Variants in PI16 observed in about 807,000 individuals in gnomAD.
PI16 encodes the protein PSP94-binding protein.
PI16 carries 35 observed loss-of-function variants against 38.0 expected under a neutral mutation model. The observed-to-expected ratio is 0.92, with a 90% CI of 0.70 to 1.22. The LOEUF (loss-of-function observed/expected upper bound fraction) is 1.22. Among genes scored for constraint, PI16 ranks in the 50% most tolerant of loss-of-function variants. The pLI is 0.00. For synonymous variants in PI16, 275 were observed against 252.9 expected, an observed-to-expected ratio of 1.09 and a Z score of -0.83; for missense variants, 572 against 593.8, an observed-to-expected ratio of 0.96 and a Z score of 0.38.
upstream of PI16, among the ~76,000 whole-genome samples, chr6:36,952,620 G>C (rs1043740978): frequency 4.1e-4 from 63 of 152,314 alleles, no homozygotes; most frequent in African/African-American, 1.5e-3. Context: ...ATATGTGTAA[G>C]AGTTTATTTC....
chr6:36,954,673 A>T, upstream of PI16: 2 of 1,512,890 alleles, frequency 1.3e-6, no homozygotes, highest in South Asian at 2.7e-5. Flanking sequence ...CCACTGCCCC[A>T]CCCCAGCCAG....
chr6:36,962,959 C>T lies in PI16; in HGVS notation c.617C>T (p.Ala206Val), dbSNP rs1455528968. The stretch of plus-strand genomic sequence containing the variant: ...GAACCCATCGGAAGCCCGGAAGATG[C>T]TCAGGATTTGCCTTACCTGGTAACT... ...LCEPIGSPED[A>V]QDLPYLVTEA... Residue 206 changes from alanine (A) to valine (V), a missense_variant, in exon 5 of 7, where the codon GCT (alanine) becomes GTT (valine). Ala to Val is a moderately conservative substitution (Grantham distance 64). Transcript: ENST00000373674. This position sits in a 1 kb window ranked among gnomAD's most constrained non-coding sequence, Gnocchi z 4.1. 6.2e-7 allele frequency: 1 copy of T among 1,613,512 alleles called. No homozygotes were observed.
rs1405559481 is a variant in PI16 at position 36,964,384 on chromosome 6, A to G, written c.*19-2A>G. The G allele has an allele frequency of 6.3e-6, 1 of 157,838 alleles. No individual in the cohort carries two copies. The highest frequency in any genetic ancestry group is 1.4e-5 in the Non-Finnish European group (1 of 70,974). 9.8% of individuals were successfully genotyped at this position (157,838 alleles called of 1,614,324 possible). A position where few individuals can be genotyped will look rare whatever the true frequency, so the allele number is the denominator to read the frequency against. On this transcript the variant is annotated splice_acceptor_variant, in intron 6 of 6. Transcript: ENST00000373674. LOFTEE classifies it low-confidence loss of function (3UTR_SPLICE). ...CCCCAGAAGTGCCTCTTGCCTTCTC[A>G]GGGTGAAGAGGTCAGCTGTCCTCCT...
chr6:36,948,588 A>C (rs1462194416), intron 1 of PI16, among the ~76,000 whole-genome samples: 2 of 136,602 alleles, frequency 1.5e-5, no homozygotes, highest in African/African-American at 2.7e-5. Context: ...CTGAGCCACC[A>C]CGCCCAGCTC....
At chr6:36,961,773 C>A in intron 3 of PI16, 113 bp from the exon 4 acceptor site, 1 of 1,024,684 alleles carries the variant, frequency 9.8e-7, no homozygotes, top group Admixed American at 1.8e-5. Flanking sequence ...AAGTCAGTGG[C>A]TGGCAGTCAG....
At chr6:36,954,659 G>A, upstream of PI16, 1 of 1,493,472 alleles carries the variant, frequency 6.7e-7, no homozygotes. Flanking sequence ...CTCAAACACG[G>A]CCCCCACTGC....
intron 6 of PI16, among the ~76,000 whole-genome samples, 166 bp from the exon 7 acceptor site, chr6:36,964,220 A>G (rs1214149346): frequency 6.6e-6 from 1 of 152,088 alleles, no homozygotes; most frequent in Non-Finnish European, 1.5e-5. Context: ...TCTGAGCGGT[A>G]TTTACATGTG....
At chr6:36,950,754 G>A (rs959392421), upstream of PI16, among the ~76,000 whole-genome samples, 1 of 152,092 alleles carries the variant, frequency 6.6e-6, no homozygotes, top group Non-Finnish European at 1.5e-5. The surrounding 1 kb of genome is among the most constrained non-coding windows in gnomAD (Gnocchi z 4.2). Flanking sequence ...TGTTGGTCAG[G>A]CTGGTCTCGA....
chr6:36,950,424 T>A (rs1198378264), upstream of PI16, among the ~76,000 whole-genome samples: 1 of 152,232 alleles, frequency 6.6e-6, no homozygotes, highest in African/African-American at 2.4e-5. The surrounding 1 kb of genome is among the most constrained non-coding windows in gnomAD (Gnocchi z 4.2). Flanking sequence ...TGATCGTACA[T>A]TTTGTGTATA....
chr6:36,962,117 G>A lies in PI16; in HGVS notation c.592+143G>A. 1 of 626,862 alleles carries A rather than the reference G, an allele frequency of 1.6e-6. No homozygotes were observed. Among genetic ancestry groups the A allele is most frequent in the Non-Finnish European group, 2.8e-6 (1 of 352,484 alleles). The allele number at this position is 626,862 out of a possible 1,614,324, so 38.8% of individuals were successfully genotyped here. On this transcript the variant is annotated intron_variant, in intron 4 of 6. Transcript: ENST00000373674. The surrounding 1 kb of genome is among the most constrained non-coding windows in gnomAD (Gnocchi z 4.1). Reference sequence around the variant, plus strand: ...GATGCGACCACCGGGGGCCCCTGGCGGCTCCCTTAGCCCCCCACGCGCAGC... The same window carrying A: ...GATGCGACCACCGGGGGCCCCTGGCAGCTCCCTTAGCCCCCCACGCGCAGC...
Position 36,961,427 on chromosome 6 carries a change from G to A in PI16, c.394-24G>A, listed in dbSNP as rs537169878. ...ACCATGCCACCTCGCATGGGGCTGA[G>A]CTGCTAGGTTTGCCCTTCATCAGGT... On this transcript the variant is annotated intron_variant, in intron 2 of 6. Transcript: ENST00000373674. 16 of 1,604,404 alleles carry A rather than the reference G, an allele frequency of 1.0e-5. No individual in the cohort carries two copies. The South Asian group carries it at 1.4e-4, about 14-fold the overall frequency.
chr6:36,959,154 G>C lies in PI16; in HGVS notation c.181G>C (p.Glu61Gln), dbSNP rs749242578. The change falls in exon 2 of 7, where the codon GAG becomes CAG. Residue 61 changes from glutamate to glutamine, a missense_variant. Physicochemically the swap from Glu to Gln is conservative, Grantham distance 29. Transcript: ENST00000373674. ...CTCACCTGCCCTGCAGAGATGGGACGAGGAGCTGGCCGCCTTCGCCAAGGC... is the reference window on the plus strand; with the variant it reads ...CTCACCTGCCCTGCAGAGATGGGACCAGGAGCTGGCCGCCTTCGCCAAGGC... ...ASDMLHMRWD[E>Q]ELAAFAKAYA... The C allele has an allele frequency of 5.6e-6, 9 of 1,608,390 alleles. No homozygotes were observed. The highest frequency in any genetic ancestry group is 6.8e-6 in the Non-Finnish European group (8 of 1,178,246).
chr6:36,951,855 C>T (rs1274444666), upstream of PI16, among the ~76,000 whole-genome samples: 3 of 151,938 alleles, frequency 2.0e-5, no homozygotes, highest in East Asian at 5.8e-4. Context: ...GCCAAGATTG[C>T]GCGAGTGCAC....
rs758334008 is a variant in PI16 at position 36,959,311 on chromosome 6, A to T, written c.338A>T (p.Tyr113Phe). ...MEEWHHEREH[Y>F]NLSAATCSPG... The stretch of plus-strand genomic sequence containing the variant: ...GAGTGGCACCACGAGCGTGAGCACT[A>T]CAACCTCAGCGCCGCCACCTGCAGC... Residue 113 changes from tyrosine to phenylalanine, a missense_variant, in exon 2 of 7, where the codon TAC becomes TTC. Tyr to Phe is a conservative substitution (Grantham distance 22). Coordinates refer to ENST00000373674, the MANE Select transcript of PI16 (RefSeq NM_153370.3). 2.5e-6 allele frequency: 4 copies of T among 1,584,510 alleles called. No homozygotes were observed. The African/African-American group carries it at 5.4e-5, about 21-fold the overall frequency.
chr6:36,948,651 TCCC>T, intron 1 of PI16, among the ~76,000 whole-genome samples: 1 of 21,452 alleles, frequency 4.7e-5, no homozygotes, highest in Non-Finnish European at 8.8e-5. Context: ...CCTTCCTCCC[TCCC>T]TCCTTCCCTC....
At position 36,964,229 on chromosome 6, in the gene PI16, T is replaced by C. The variant is rs528938371; in HGVS notation, c.*19-157T>C. Among the ~76,000 whole-genome samples the C allele has an allele frequency of 7.2e-5, 11 of 152,320 alleles. 1 individual carries two copies. Among genetic ancestry groups the C allele is most frequent in the African/African-American group, 2.2e-4 (9 of 41,570 alleles). On this transcript the variant is annotated intron_variant, in intron 6 of 6. Coordinates refer to ENST00000373674, the MANE Select transcript of PI16 (RefSeq NM_153370.3). Reference sequence around the variant, plus strand: ...GACTGTTCTGAGCGGTATTTACATGTGCCCACTCTCAGGTTGTCCTGTGGC... The same window carrying C: ...GACTGTTCTGAGCGGTATTTACATGCGCCCACTCTCAGGTTGTCCTGTGGC...
In PI16 at chr6:36,961,941, C is replaced by G; in HGVS notation, c.559C>G (p.Pro187Ala). The change falls in exon 4 of 7, where the codon CCC becomes GCC. Residue 187 changes from proline to alanine, a missense_variant. By Grantham distance (27) the Pro-to-Ala change is conservative. Transcript: ENST00000373674. Reference sequence around the variant, plus strand: ...GGAGGGGACTCCGTGCTCCCAATGTCCCTCTGGCTACCACTGCAAGAACTC... The same window carrying G: ...GGAGGGGACTCCGTGCTCCCAATGTGCCTCTGGCTACCACTGCAAGAACTC... ...YQEGTPCSQC[P>A]SGYHCKNSLC... is the part of the protein sequence containing the mutation. The G allele has an allele frequency of 9.3e-6, 15 of 1,614,172 alleles. No individual in the cohort carries two copies. The highest frequency in any genetic ancestry group is 1.3e-5 in the Non-Finnish European group (15 of 1,180,012).
rs577044782 is a variant in PI16, at chr6:36,962,122, C to A, written c.592+148C>A. 140 of 607,246 alleles carry A rather than the reference C, an allele frequency of 2.3e-4. No homozygotes were observed. The East Asian group carries it at 3.3e-3, about 14-fold the overall frequency. The allele number at this position is 607,246 out of a possible 1,614,324, so 37.6% of individuals were successfully genotyped here. ...GACCACCGGGGGCCCCTGGCGGCTC[C>A]CTTAGCCCCCCACGCGCAGCCACTT... On this transcript the variant is annotated intron_variant, in intron 4 of 6. Coordinates refer to ENST00000373674, the MANE Select transcript of PI16 (RefSeq NM_153370.3). This position sits in a 1 kb window ranked among gnomAD's most constrained non-coding sequence, Gnocchi z 4.1.
intron 1 of PI16, among the ~76,000 whole-genome samples, chr6:36,949,085 C>A (rs1205916321): frequency 6.6e-6 from 1 of 151,804 alleles, no homozygotes; most frequent in Non-Finnish European, 1.5e-5. Flanking sequence ...CGCACCCAGC[C>A]TTATTTTCTT....
Sources: gnomAD v4.1 joint callset for allele counts (sites outside exome capture counted in the v4.1 genomes callset) on GRCh38, gnomAD v4.1.1 for gene constraint, Gnocchi (gnomAD v3.1) non-coding constraint, MANE v1.5 for transcripts, NCBI Gene and HGNC (gene_info 2026-07-23, HGNC 2026-07-21) for gene names.